The following AAK1 variants were observed in gnomAD, a reference collection of about 807,000 sequenced individuals.
AAK1 encodes AP2 associated kinase 1.
A neutral mutation model predicts 116.0 loss-of-function variants in AAK1; 37 were observed. The observed-to-expected ratio is 0.32, with a 90% CI of 0.25 to 0.42. AAK1 has a LOEUF of 0.42. Among genes scored for constraint, AAK1 ranks in the 10% least tolerant of loss-of-function variants. The probability of loss-of-function intolerance (pLI) is 1.00; values close to 1 mark genes in which losing one functional copy is unlikely to be tolerated. For missense variants in AAK1, 919 were observed against 1,170.6 expected (o/e 0.79, Z 3.14); for synonymous variants, 458 against 439.9 (o/e 1.04, Z -0.51).
Position 69,603,131 on chromosome 2 carries a change from C to G in AAK1, c.163+39747G>C, listed in dbSNP as rs115789769. Among the ~76,000 whole-genome samples, 1,384 of 152,250 alleles carry G rather than the reference C, an allele frequency of 9.1e-3. 23 individuals carry two copies. The highest frequency in any genetic ancestry group is 0.032 in the African/African-American group (1,330 of 41,546). Reference sequence around the variant, plus strand: ...CAAAAAAGATAAAGACTTAGAAATTCAATAAAGAGGCATTTTCAACATTTG... The same window carrying G: ...CAAAAAAGATAAAGACTTAGAAATTGAATAAAGAGGCATTTTCAACATTTG... On this transcript the variant is annotated intron_variant, in intron 2 of 21. Coordinates refer to ENST00000409085, the MANE Select transcript of AAK1 (RefSeq NM_014911.5).
intron 2 of AAK1, among the ~76,000 whole-genome samples, chr2:69,590,305 A>T (rs1672976107): frequency 6.6e-6 from 1 of 152,250 alleles, no homozygotes; most frequent in East Asian, 1.9e-4. Flanking sequence ...TTTATCACAA[A>T]GCCCTTTCCG....
Position 69,519,094 on chromosome 2 carries a change from G to C in AAK1, c.1357C>G (p.Leu453Val), listed in dbSNP as rs1382699376. ...QQTPSTQAQGLPAQAQATPQH... is the reference protein window; with the variant it reads ...QQTPSTQAQGVPAQAQATPQH... Reference sequence around the variant, plus strand: ...GGTGTGGCCTGGGCCTGAGCGGGCAGACCCTGGGCCTGAGTAGAAGGCGTC... The same window carrying C: ...GGTGTGGCCTGGGCCTGAGCGGGCACACCCTGGGCCTGAGTAGAAGGCGTC... The change falls in exon 12 of 22, where the codon CTG becomes GTG. Residue 453 changes from leucine (L) to valine (V), a missense_variant. By Grantham distance (32) the Leu-to-Val change is conservative. Coordinates refer to ENST00000409085, the MANE Select transcript of AAK1 (RefSeq NM_014911.5). 1 of 1,552,588 alleles carries C rather than the reference G, an allele frequency of 6.4e-7. No homozygotes were observed. Among genetic ancestry groups the C allele is most frequent in the African/African-American group, 1.4e-5 (1 of 73,118 alleles).
At chr2:69,621,839 C>T (rs1341902416) in intron 2 of AAK1, among the ~76,000 whole-genome samples, 3 of 152,236 alleles carry the variant, frequency 2.0e-5, no homozygotes, top group Non-Finnish European at 4.4e-5. Flanking sequence ...CCTGGAATCA[C>T]TCTTGATTCC....
At chr2:69,603,329 C>T (rs1299254435) in intron 2 of AAK1, among the ~76,000 whole-genome samples, 1 of 152,082 alleles carries the variant, frequency 6.6e-6, no homozygotes. Flanking sequence ...CTTGTGAAAG[C>T]ATCTTTACAA....
chr2:69,561,156 AG>A (rs1671618161), intron 2 of AAK1, among the ~76,000 whole-genome samples: 1 of 152,222 alleles, frequency 6.6e-6, no homozygotes, highest in South Asian at 2.1e-4. Flanking sequence ...ACATCTGAAA[AG>A]CTTTAGATAA....
chr2:69,512,826 T>C (rs80122574), intron 13 of AAK1, among the ~76,000 whole-genome samples: 95 of 152,354 alleles, frequency 6.2e-4, no homozygotes, highest in Non-Finnish European at 1.2e-3. Context: ...AGGAGAAGCA[T>C]AGGGGAACCT....
At chr2:69,518,645 T>C (rs1384139914) in intron 12 of AAK1, among the ~76,000 whole-genome samples, 2 of 152,068 alleles carry the variant, frequency 1.3e-5, no homozygotes, top group Non-Finnish European at 2.9e-5. Context: ...TCTCGATCTC[T>C]TGACCTCGTG....
Position 69,611,150 on chromosome 2 carries a change from G to A in AAK1, c.163+31728C>T, listed in dbSNP as rs1413857174. 2.6e-5 allele frequency among the ~76,000 whole-genome samples: 4 copies of A among 152,298 alleles called. No individual in the cohort carries two copies. The East Asian group carries it at 7.7e-4, about 29-fold the overall frequency. ...GAGGAGACTGACATTTGAGTTGGTG[G>A]ACTACGAGGGGGAGACCCACCCTCA... On this transcript the variant is annotated intron_variant, in intron 2 of 21. Transcript: ENST00000409085.
intron 18 of AAK1, 177 bp downstream of exon 18, chr2:69,482,531 CGTT>C (rs1288253813): frequency 2.8e-6 from 2 of 708,422 alleles, no homozygotes; most frequent in African/African-American, 1.8e-5. Flanking sequence ...AAAAAATAGA[CGTT>C]GTACCCCCGA....
At position 69,464,518 on chromosome 2, in the gene AAK1, A is replaced by C. The variant is rs1231975690; in HGVS notation, c.*11351T>G. The C allele has an allele frequency of 3.3e-5, 5 of 152,618 alleles. No homozygotes were observed. The East Asian group carries it at 9.6e-4, about 29-fold the overall frequency. 9.5% of individuals were successfully genotyped at this position (152,618 alleles called of 1,614,324 possible). ...CGTATTCTACTTTGCCATGAGAAAAAAACTAAATAAATAAAATGGGGTTCA... is the reference window on the plus strand; with the variant it reads ...CGTATTCTACTTTGCCATGAGAAAACAACTAAATAAATAAAATGGGGTTCA... On this transcript the variant is annotated 3_prime_UTR_variant, in exon 22 of 22. Transcript: ENST00000409085.
intron 16 of AAK1, among the ~76,000 whole-genome samples, chr2:69,502,714 C>T (rs1453195377): frequency 6.6e-6 from 1 of 152,228 alleles, no homozygotes; most frequent in Non-Finnish European, 1.5e-5. Context: ...GGGAAAATGA[C>T]TCTCATTCAC....
rs1673823058 is a variant in AAK1 at position 69,606,940 on chromosome 2, C to T, written c.163+35938G>A. Reference sequence around the variant, plus strand: ...AATTAGCCGGGCGTGGTGGTGCATGCCTGTAGTCCCAGCTACTTGGCAGGC... The same window carrying T: ...AATTAGCCGGGCGTGGTGGTGCATGTCTGTAGTCCCAGCTACTTGGCAGGC... On this transcript the variant is annotated intron_variant, in intron 2 of 21. Transcript: ENST00000409085. Among the ~76,000 whole-genome samples the T allele has an allele frequency of 5.3e-5, 8 of 151,476 alleles. No individual in the cohort carries two copies. In the South Asian group the frequency reaches 1.7e-3, roughly 32 times the overall value.
At chr2:69,528,744 G>A (rs1410242413) in intron 8 of AAK1, among the ~76,000 whole-genome samples, 1 of 152,170 alleles carries the variant, frequency 6.6e-6, no homozygotes. Flanking sequence ...TGGTTTGCAA[G>A]CAGTTTGGGA....
chr2:69,491,205 A>T (rs1349026404), intron 17 of AAK1, among the ~76,000 whole-genome samples: 1 of 152,020 alleles, frequency 6.6e-6, no homozygotes, highest in African/African-American at 2.4e-5. Flanking sequence ...TTGGCCCCGC[A>T]AAGTGCTGAG....
rs947120760 is a variant in AAK1 at position 69,473,094 on chromosome 2, C to T, written c.*2775G>A. On this transcript the variant is annotated 3_prime_UTR_variant, in exon 22 of 22. Coordinates refer to ENST00000409085, the MANE Select transcript of AAK1 (RefSeq NM_014911.5). ...TCTATAATCTTAAAGACCATCTAGT[C>T]CAAACCCATCGTATAACTCTAAGGA... 4 of 920,316 alleles carry T rather than the reference C, an allele frequency of 4.3e-6. No homozygotes were observed. The Admixed American group carries it at 2.5e-4, about 57-fold the overall frequency. The allele number at this position is 920,316 out of a possible 1,614,324, so 57.0% of individuals were successfully genotyped here. A position where few individuals can be genotyped will look rare whatever the true frequency, so the allele number is the denominator to read the frequency against.
intron 12 of AAK1, among the ~76,000 whole-genome samples, chr2:69,515,933 T>G (rs1043103758): frequency 4.6e-5 from 7 of 152,184 alleles, no homozygotes; most frequent in African/African-American, 1.7e-4. Context: ...ATATTTATGA[T>G]AGATATATCC....
chr2:69,532,522 T>C (rs561785893), intron 5 of AAK1, among the ~76,000 whole-genome samples: 2 of 152,240 alleles, frequency 1.3e-5, no homozygotes, highest in South Asian at 4.2e-4. Context: ...CAGGATGCCC[T>C]CCACAACCCC....
chr2:69,524,014 T>C (rs1205494294), intron 10 of AAK1, among the ~76,000 whole-genome samples: 1 of 152,224 alleles, frequency 6.6e-6, no homozygotes, highest in Non-Finnish European at 1.5e-5. Flanking sequence ...TTTCCCCAAA[T>C]AACATCTTCG....
chr2:69,573,430 A>G (rs1024103496), intron 2 of AAK1, among the ~76,000 whole-genome samples: 12 of 152,354 alleles, frequency 7.9e-5, no homozygotes, highest in Admixed American at 7.2e-4. Flanking sequence ...GAAGACGAGA[A>G]GCATTCCACC....
Sources: gnomAD v4.1 joint callset for allele counts (sites outside exome capture counted in the v4.1 genomes callset) on GRCh38, gnomAD v4.1.1 for gene constraint, MANE v1.5 for transcripts, NCBI Gene and HGNC (gene_info 2026-07-23, HGNC 2026-07-21) for gene names.